CNST: variants seen among roughly 807,000 people sequenced by gnomAD.
CNST encodes the protein consortin, connexin sorting protein, also known as consortin.
Under a neutral mutation model 72.4 loss-of-function variants are expected in CNST, and 39 were observed. That is an observed-to-expected ratio of 0.54 (90% CI 0.42 to 0.70). The LOEUF is 0.70. Among genes scored for constraint, CNST ranks in the 30% least tolerant of loss-of-function variants. The probability of loss-of-function intolerance (pLI) is 0.00; values close to 1 mark genes in which losing one functional copy is unlikely to be tolerated. For synonymous variants in CNST, 332 were observed against 320.1 expected, an observed-to-expected ratio of 1.04 and a Z score of -0.40; for missense variants, 871 against 868.5, an observed-to-expected ratio of 1.00 and a Z score of -0.04.
intron 3 of CNST, among the ~76,000 whole-genome samples, chr1:246,630,229 C>T (rs926568536): frequency 2.9e-4 from 44 of 152,122 alleles, no homozygotes; most frequent in African/African-American, 8.2e-4. Flanking sequence ...ACTCTGGAGA[C>T]GACTGTTAAA....
chr1:246,616,004 C>T (rs1413470071), intron 2 of CNST, among the ~76,000 whole-genome samples: 24 of 152,148 alleles, frequency 1.6e-4, no homozygotes, highest in Admixed American at 1.4e-3. Flanking sequence ...CTGTTACTGT[C>T]TTTAAATACT....
At chr1:246,608,430 G>T (rs1264992630) in intron 2 of CNST, among the ~76,000 whole-genome samples, 1 of 152,186 alleles carries the variant, frequency 6.6e-6, no homozygotes, top group Non-Finnish European at 1.5e-5. Context: ...TTAATAAAAC[G>T]TGTTAAAGTG....
chr1:246,628,289 T>C (rs897866252), intron 3 of CNST, among the ~76,000 whole-genome samples: 1 of 152,136 alleles, frequency 6.6e-6, no homozygotes, highest in African/African-American at 2.4e-5. Flanking sequence ...TCCAATCACG[T>C]TGACACTCAG....
At chr1:246,628,722 A>C (rs1357595990) in intron 3 of CNST, among the ~76,000 whole-genome samples, 1 of 152,200 alleles carries the variant, frequency 6.6e-6, no homozygotes, top group Non-Finnish European at 1.5e-5. Flanking sequence ...CACCTCCCAG[A>C]TACCCCCTTC....
intron 3 of CNST, among the ~76,000 whole-genome samples, chr1:246,625,482 C>G (rs146776071): frequency 8.0e-6 from 1 of 124,726 alleles, no homozygotes; most frequent in Non-Finnish European, 1.6e-5. Context: ...AGTGCAGTGG[C>G]GTGATCTTGG....
In CNST at chr1:246,621,534, A is replaced by G; in HGVS notation, c.485A>G (p.Gln162Arg). Residue 162 changes from glutamine (Q) to arginine (R), a missense_variant, in exon 3 of 11, where the codon CAG becomes CGG. Gln to Arg is a conservative substitution (Grantham distance 43, BLOSUM62 1). Coordinates refer to ENST00000366513, the MANE Select transcript of CNST (RefSeq NM_152609.3). The stretch of plus-strand genomic sequence containing the variant: ...GCTGCTGAAGTAAATGCTAATGAGC[A>G]GCCAGAGGCGCCAAAGCTTGTTCTG... The part of the protein sequence containing the change: ...EEAAEVNANE[Q>R]PEAPKLVLQS... 1 of 1,614,208 alleles carries G rather than the reference A, an allele frequency of 6.2e-7. No individual in the cohort carries two copies. The highest frequency in any genetic ancestry group is 1.6e-4 in the Middle Eastern group (1 of 6,062).
intron 2 of CNST, among the ~76,000 whole-genome samples, chr1:246,614,979 T>A (rs764066973): frequency 1.4e-4 from 21 of 152,156 alleles, no homozygotes; most frequent in Non-Finnish European, 2.8e-4. Context: ...TCCTAGTGTT[T>A]TAAGGTAAAA....
chr1:246,604,916 C>G (rs1222322034), intron 2 of CNST, among the ~76,000 whole-genome samples: 1 of 152,200 alleles, frequency 6.6e-6, no homozygotes, highest in Non-Finnish European at 1.5e-5. Flanking sequence ...ATTCGCCTGC[C>G]TCGGCCTCCC....
At chr1:246,649,978 A>G (rs1666362001) in intron 9 of CNST, among the ~76,000 whole-genome samples, 1 of 151,840 alleles carries the variant, frequency 6.6e-6, no homozygotes, top group Non-Finnish European at 1.5e-5. Context: ...TGTATATTTC[A>G]GTCATCTATT....
chr1:246,605,718 C>T (rs1280556910), intron 2 of CNST, among the ~76,000 whole-genome samples: 2 of 113,698 alleles, frequency 1.8e-5, no homozygotes, highest in African/African-American at 6.0e-5. Context: ...AGGTGTCTTC[C>T]GGCCGGGGTA....
At chr1:246,602,881 G>GT (rs555196182) in intron 2 of CNST, among the ~76,000 whole-genome samples, 227 of 123,992 alleles carry the variant, frequency 1.8e-3, no homozygotes, top group Non-Finnish European at 2.9e-3. Flanking sequence ...CAGTTAGATA[G>GT]TTTTCTTTTT....
chr1:246,660,292 C>G lies in CNST; in HGVS notation c.1930C>G (p.Arg644Gly), dbSNP rs746103503. The G allele has an allele frequency of 6.2e-7, 1 of 1,613,962 alleles. No individual in the cohort carries two copies. Among genetic ancestry groups the G allele is most frequent in the South Asian group, 1.1e-5 (1 of 91,068 alleles). The change falls in exon 10 of 11, where the codon CGA becomes GGA. Residue 644 changes from arginine to glycine, a missense_variant. Physicochemically the swap from Arg to Gly is moderately radical, Grantham distance 125. Transcript: ENST00000366513. Reference protein sequence around the residue: ...PAQMQHKPSKRRVRFQEIDDS... With the variant: ...PAQMQHKPSKGRVRFQEIDDS... The stretch of plus-strand genomic sequence containing the variant: ...CCAAATGCAACACAAACCATCTAAG[C>G]GAAGAGTGAGATTCCAAGAAATAGA...
chr1:246,590,613 T>C (rs989072745), intron 1 of CNST, among the ~76,000 whole-genome samples: 3 of 148,906 alleles, frequency 2.0e-5, no homozygotes, highest in Non-Finnish European at 4.4e-5. Flanking sequence ...TTCTACTCAT[T>C]AAGTTGAAGA....
chr1:246,665,443 A>G (rs1667348759), intron 10 of CNST, among the ~76,000 whole-genome samples: 1 of 152,240 alleles, frequency 6.6e-6, no homozygotes, highest in South Asian at 2.1e-4. Flanking sequence ...TCTTCTTCTC[A>G]TGGAGTGATT....
intron 6 of CNST, among the ~76,000 whole-genome samples, chr1:246,638,612 C>T (rs1485055565): frequency 6.6e-6 from 1 of 152,060 alleles, no homozygotes; most frequent in East Asian, 1.9e-4. Context: ...ATGAGTTCAG[C>T]CTTTTGGGAG....
intron 9 of CNST, among the ~76,000 whole-genome samples, chr1:246,654,728 A>G (rs1307901645): frequency 6.6e-6 from 1 of 152,228 alleles, no homozygotes; most frequent in Non-Finnish European, 1.5e-5. Flanking sequence ...ATATCCTTTA[A>G]TGATAGATTT....
chr1:246,634,411 T>TA, intron 5 of CNST, 62 bp from the exon 6 acceptor site: 1 of 938,838 alleles, frequency 1.1e-6, no homozygotes, highest in Non-Finnish European at 1.6e-6. Context: ...ACTGTTTGTT[T>TA]GTTTTTTTGC....
At position 246,647,399 on chromosome 1, in the gene CNST, T is replaced by C. The variant is rs766463860; in HGVS notation, c.1198T>C (p.Leu400=). 1.9e-6 allele frequency: 3 copies of C among 1,613,964 alleles called. No homozygotes were observed. Among genetic ancestry groups the C allele is most frequent in the African/African-American group, 2.7e-5 (2 of 74,908 alleles). ...GGATGCTTGTGAGGATGACAGTCGCTTGCAGCTGGCTCAAACAGAGGCCTG... is the reference window on the plus strand; with the variant it reads ...GGATGCTTGTGAGGATGACAGTCGCCTGCAGCTGGCTCAAACAGAGGCCTG... ...SEDACEDDSR[L]QLAQTEACQD... is the part of the protein sequence containing the mutation. The change falls in exon 9 of 11, where the codon TTG becomes CTG. Residue 400 remains leucine (L), a synonymous_variant. Transcript: ENST00000366513.
intron 1 of CNST, among the ~76,000 whole-genome samples, chr1:246,575,733 A>G (rs1365512572): frequency 6.6e-6 from 1 of 152,222 alleles, no homozygotes; most frequent in Non-Finnish European, 1.5e-5. Flanking sequence ...TATATGAATT[A>G]TATGTCGATA....
Sources: gnomAD v4.1 joint callset for allele counts (sites outside exome capture counted in the v4.1 genomes callset) on GRCh38, gnomAD v4.1.1 for gene constraint, MANE v1.5 for transcripts, NCBI Gene and HGNC (gene_info 2026-07-23, HGNC 2026-07-21) for gene names.